Variants in RBL1 observed in about 807,000 individuals in gnomAD.
The protein encoded by RBL1 is retinoblastoma-like protein 1.
RBL1 carries 82 observed loss-of-function variants against 123.0 expected under a neutral mutation model. The observed-to-expected ratio is 0.67, with a 90% CI of 0.56 to 0.80. The LOEUF is 0.80. RBL1 is among the 30% of genes least tolerant of loss of function. The probability of loss-of-function intolerance (pLI) is 0.00; values close to 1 mark genes in which losing one functional copy is unlikely to be tolerated. For missense variants in RBL1, 1,171 were observed against 1,299.6 expected (o/e 0.90, Z 1.52); for synonymous variants, 405 against 441.3 (o/e 0.92, Z 1.03).
At chr20:37,034,862 A>G (rs1171539997) in intron 15 of RBL1, among the ~76,000 whole-genome samples, 1 of 152,140 alleles carries the variant, frequency 6.6e-6, no homozygotes, top group Non-Finnish European at 1.5e-5. Flanking sequence ...TGACAGATAC[A>G]TGTCATTATA....
intron 14 of RBL1, among the ~76,000 whole-genome samples, chr20:37,038,427 A>G (rs2064665457): frequency 6.9e-6 from 1 of 145,858 alleles, no homozygotes; most frequent in South Asian, 2.2e-4. Flanking sequence ...CAGCCTCCCG[A>G]GTAGCTGGGA....
chr20:37,058,278 G>A (rs917048565), intron 9 of RBL1, among the ~76,000 whole-genome samples: 4 of 151,872 alleles, frequency 2.6e-5, no homozygotes, highest in East Asian at 1.9e-4. Context: ...AGCACTTTGC[G>A]AGGCTGAAGC....
At chr20:37,087,763 C>T (rs1157269860) in intron 2 of RBL1, among the ~76,000 whole-genome samples, 1 of 151,666 alleles carries the variant, frequency 6.6e-6, no homozygotes, top group African/African-American at 2.4e-5. Flanking sequence ...ATTGTACTTC[C>T]AGGAAAAAAA....
rs956951052 is a variant in RBL1, at chr20:36,998,796, C to T, written c.3170G>A (p.Arg1057Gln). The T allele has an allele frequency of 1.9e-6, 3 of 1,613,446 alleles. No individual in the cohort carries two copies. The highest frequency in any genetic ancestry group is 1.1e-5 in the South Asian group (1 of 90,944). The change falls in exon 22 of 22, where the codon CGA (arginine) becomes CAA (glutamine). Residue 1057 changes from arginine (R) to glutamine (Q), a missense_variant. Coordinates refer to ENST00000373664, the MANE Select transcript of RBL1 (RefSeq NM_002895.5). ...TCTTTCACTGACAACATCCTGTAGT[C>T]GTTTCAGTAAAACGTCATCATTTTC... ...CQENDDVLLKRLQDVVSERAN... is the reference protein window; with the variant it reads ...CQENDDVLLKQLQDVVSERAN...
At chr20:37,023,870 C>T (rs758988968) in intron 16 of RBL1, among the ~76,000 whole-genome samples, 8 of 151,156 alleles carry the variant, frequency 5.3e-5, no homozygotes, top group Non-Finnish European at 1.2e-4. Flanking sequence ...CCTCCACCTC[C>T]GGGCTCAAGT....
intron 2 of RBL1, among the ~76,000 whole-genome samples, chr20:37,083,045 T>C (rs897152581): frequency 1.6e-4 from 24 of 152,228 alleles, no homozygotes; most frequent in African/African-American, 4.8e-4. Context: ...AGTTGAAATT[T>C]TGAAAACAGC....
Position 37,089,142 on chromosome 20 carries a change from C to A in RBL1, c.157-20G>T. On this transcript the variant is annotated intron_variant, in intron 1 of 21. Transcript: ENST00000373664. The stretch of plus-strand genomic sequence containing the variant: ...TTCTCCCTGGCAAGCAAAAGACAAA[C>A]AGCAAAACAGGTATAATATTATGTT... The A allele has an allele frequency of 6.3e-7, 1 of 1,578,996 alleles. No individual in the cohort carries two copies. Among genetic ancestry groups the A allele is most frequent in the Non-Finnish European group, 8.6e-7 (1 of 1,159,410 alleles).
intron 19 of RBL1, among the ~76,000 whole-genome samples, chr20:37,014,536 C>T (rs551932884): frequency 1.3e-5 from 2 of 152,144 alleles, no homozygotes; most frequent in African/African-American, 2.4e-5. Context: ...CGGTGACTCA[C>T]GCCTGTAATC....
intron 16 of RBL1, among the ~76,000 whole-genome samples, chr20:37,029,153 C>A (rs2064467206): frequency 6.6e-6 from 1 of 152,108 alleles, no homozygotes; most frequent in Non-Finnish European, 1.5e-5. Flanking sequence ...AAATTTAACA[C>A]CCTTTCATGA....
chr20:37,026,798 A>C (rs982999256), intron 16 of RBL1, among the ~76,000 whole-genome samples: 2 of 151,014 alleles, frequency 1.3e-5, no homozygotes, highest in African/African-American at 4.9e-5. Flanking sequence ...AGGTCAGGAG[A>C]TCGAGACTGT....
chr20:37,095,714 G>A (rs2065725404), intron 1 of RBL1, 59 bp downstream of exon 1: 3 of 1,441,766 alleles, frequency 2.1e-6, no homozygotes, highest in Non-Finnish European at 1.9e-6. Flanking sequence ...AGGAAGGGGC[G>A]GGGCAGGGGT....
intron 11 of RBL1, 28 bp from the exon 12 acceptor site, chr20:37,047,218 A>G: frequency 6.4e-7 from 1 of 1,565,158 alleles, no homozygotes; most frequent in Non-Finnish European, 8.6e-7. Context: ...CCACAGTTTA[A>G]TATTTTTCAG....
chr20:37,042,072 C>CAAAAA, intron 13 of RBL1, among the ~76,000 whole-genome samples: 1 of 86,968 alleles, frequency 1.1e-5, no homozygotes, highest in Admixed American at 1.3e-4. Flanking sequence ...GACTTTGTCT[C>CAAAAA]AAAAAAAAAA....
At position 37,095,845 on chromosome 20, in the gene RBL1, C is replaced by T. The variant is rs1234646828; in HGVS notation, c.84G>A (p.Leu28=). ...GEALQALCQE[L]NLDEGSAAEA... Reference sequence around the variant, plus strand: ...CGGCCGCGCTCCCCTCGTCCAGGTTCAGCTCCTGGCACAGGGCCTGTAGCG... The same window carrying T: ...CGGCCGCGCTCCCCTCGTCCAGGTTTAGCTCCTGGCACAGGGCCTGTAGCG... The change falls in exon 1 of 22, where the codon CTG becomes CTA. Residue 28 remains leucine (L), a synonymous_variant. Transcript: ENST00000373664. 6.2e-7 allele frequency: 1 copy of T among 1,608,342 alleles called. No homozygotes were observed.
chr20:37,049,141 G>A, intron 11 of RBL1: 1 of 229,016 alleles, frequency 4.4e-6, no homozygotes, highest in Non-Finnish European at 8.5e-6. Context: ...AGATGGAGGT[G>A]CAGTGGGCCG....
intron 21 of RBL1, among the ~76,000 whole-genome samples, chr20:37,001,386 A>C (rs1297968363): frequency 6.6e-6 from 1 of 150,966 alleles, no homozygotes; most frequent in African/African-American, 2.4e-5. Flanking sequence ...AGAGGTAGAC[A>C]TGGGAGACTT....
At chr20:37,048,247 T>C (rs1208406247) in intron 11 of RBL1, among the ~76,000 whole-genome samples, 1 of 152,098 alleles carries the variant, frequency 6.6e-6, no homozygotes, top group African/African-American at 2.4e-5. Context: ...GGTGAAGCAT[T>C]GGGTGGGTGA....
intron 11 of RBL1, among the ~76,000 whole-genome samples, chr20:37,053,210 C>G (rs977993299): frequency 6.6e-6 from 1 of 152,222 alleles, no homozygotes; most frequent in Non-Finnish European, 1.5e-5. Flanking sequence ...AACACTCCAT[C>G]CAACAATAGC....
chr20:37,076,722 T>TTGC (rs2065368417), intron 2 of RBL1, among the ~76,000 whole-genome samples: 1 of 152,226 alleles, frequency 6.6e-6, no homozygotes, highest in Non-Finnish European at 1.5e-5. Flanking sequence ...ATTCTGCACC[T>TTGC]TGCTTTTTCC....
Sources: allele counts gnomAD v4.1 joint callset (sites outside exome capture counted in the v4.1 genomes callset), GRCh38; gene constraint gnomAD v4.1.1; transcripts MANE v1.5; gene names NCBI Gene and HGNC (gene_info 2026-07-23, HGNC 2026-07-21).